The following SCHIP1 variants were observed in gnomAD, a reference collection of about 807,000 sequenced individuals.
SCHIP1 encodes the protein schwannomin-interacting protein 1.
A neutral mutation model predicts 29.7 loss-of-function variants in SCHIP1; 8 were observed. The observed-to-expected ratio is 0.27, with a 90% CI of 0.16 to 0.49. The LOEUF is 0.49. Ranked by LOEUF, SCHIP1 falls within the 20% of genes least tolerant of loss-of-function variation. The pLI, the probability that SCHIP1 is intolerant of heterozygous loss-of-function variation, is 0.99. For synonymous variants in SCHIP1, 76 were observed against 94.9 expected (o/e 0.80, Z 1.16); for missense variants, 193 against 294.6 (o/e 0.66, Z 2.52).
chr3:159,768,341 T>A, the SCHIP1 span: 7 of 152,176 alleles, frequency 4.6e-5, no homozygotes, highest in Non-Finnish European at 1.5e-5. Context: ...TTTGTATTGT[T>A]TTGTTTCAAT....
At chr3:159,720,729 C>T in the SCHIP1 span, among the ~76,000 whole-genome samples, 1,857 of 152,172 alleles carry the variant, frequency 0.012, 43 homozygotes, top group African/African-American at 0.042. Context: ...GGATTACAGG[C>T]ACCTGCCAGC....
chr3:159,542,356 A>T, the SCHIP1 span, among the ~76,000 whole-genome samples: 2 of 152,096 alleles, frequency 1.3e-5, no homozygotes, highest in African/African-American at 4.8e-5. Flanking sequence ...AAATCTGCAC[A>T]TGCTTGTTGA....
At chr3:159,858,104 G>GTGA (rs1478111068) in intron 1 of SCHIP1, among the ~76,000 whole-genome samples, 1 of 152,216 alleles carries the variant, frequency 6.6e-6, no homozygotes, top group Non-Finnish European at 1.5e-5. Context: ...GTTCCTGTCA[G>GTGA]TGATACTGAA....
At chr3:159,307,004 A>G in the SCHIP1 span, among the ~76,000 whole-genome samples, 1 of 152,184 alleles carries the variant, frequency 6.6e-6, no homozygotes, top group Admixed American at 6.5e-5. Context: ...GAAGGAAGAG[A>G]AAAAACAGAT....
chr3:159,393,767 T>C, the SCHIP1 span, among the ~76,000 whole-genome samples: 56 of 151,472 alleles, frequency 3.7e-4, no homozygotes, highest in African/African-American at 1.2e-3. Flanking sequence ...AGCTTTGTTC[T>C]TTTGGCTTAG....
the SCHIP1 span, among the ~76,000 whole-genome samples, chr3:159,356,227 G>GAAAAAA: frequency 6.6e-6 from 1 of 151,786 alleles, no homozygotes; most frequent in Non-Finnish European, 1.5e-5. Context: ...AAAGAAAAAA[G>GAAAAAA]AAAAATTCTT....
the SCHIP1 span, among the ~76,000 whole-genome samples, chr3:159,383,677 G>T: frequency 8.2e-6 from 1 of 121,230 alleles, no homozygotes; most frequent in Non-Finnish European, 1.9e-5. Flanking sequence ...GGATGGCATT[G>T]AATCTATAAA....
chr3:159,286,944 G>C, the SCHIP1 span, among the ~76,000 whole-genome samples: 1 of 152,072 alleles, frequency 6.6e-6, no homozygotes, highest in Non-Finnish European at 1.5e-5. Context: ...GTTTGTTTAA[G>C]TTCTTTATAG....
At chr3:159,502,260 T>G in the SCHIP1 span, among the ~76,000 whole-genome samples, 1 of 152,114 alleles carries the variant, frequency 6.6e-6, no homozygotes, top group Admixed American at 6.6e-5. Context: ...GATACAGGCT[T>G]TAGTTTGATC....
chr3:159,649,405 TA>T, the SCHIP1 span, among the ~76,000 whole-genome samples: 4 of 152,010 alleles, frequency 2.6e-5, no homozygotes, highest in Non-Finnish European at 4.4e-5. Flanking sequence ...GGGTTGAAAA[TA>T]AACACAAAAC....
At chr3:159,779,245 C>T in the SCHIP1 span, among the ~76,000 whole-genome samples, 1 of 152,110 alleles carries the variant, frequency 6.6e-6, no homozygotes, top group Non-Finnish European at 1.5e-5. Flanking sequence ...GTTTGGGACT[C>T]TTGCAGGAGT....
the SCHIP1 span, among the ~76,000 whole-genome samples, chr3:159,748,362 T>C: frequency 1.3e-5 from 2 of 152,262 alleles, no homozygotes; most frequent in South Asian, 2.1e-4. Flanking sequence ...ATAGTACTAA[T>C]GTAAAGTTTC....
the SCHIP1 span, among the ~76,000 whole-genome samples, chr3:159,437,390 C>G: frequency 6.6e-6 from 1 of 152,072 alleles, no homozygotes; most frequent in Non-Finnish European, 1.5e-5. Flanking sequence ...TTTCTTGACT[C>G]TCACAACCAA....
chr3:159,416,142 T>A, the SCHIP1 span, among the ~76,000 whole-genome samples: 2 of 152,176 alleles, frequency 1.3e-5, no homozygotes, highest in Non-Finnish European at 2.9e-5. Context: ...ATTTTTAATA[T>A]TTCCCCAAAT....
At chr3:159,786,294 A>G in the SCHIP1 span, among the ~76,000 whole-genome samples, 1 of 152,216 alleles carries the variant, frequency 6.6e-6, no homozygotes, top group African/African-American at 2.4e-5. Context: ...AAGTTTTAAT[A>G]GACATTTCCT....
chr3:159,337,496 A>T, the SCHIP1 span, among the ~76,000 whole-genome samples: 3 of 152,202 alleles, frequency 2.0e-5, no homozygotes, highest in African/African-American at 7.2e-5. Flanking sequence ...ACTTCAGCAA[A>T]GTCTCAGGAT....
the SCHIP1 span, chr3:159,765,297 G>A: frequency 1.2e-6 from 1 of 843,296 alleles, no homozygotes; most frequent in Admixed American, 3.4e-5. Flanking sequence ...TGCTCCCCTG[G>A]GGATAAGGTT....
At chr3:159,606,026 C>G in the SCHIP1 span, among the ~76,000 whole-genome samples, 1 of 152,194 alleles carries the variant, frequency 6.6e-6, no homozygotes, top group African/African-American at 2.4e-5. Flanking sequence ...AGCACTCGAA[C>G]TGTGACATCT....
chr3:159,408,051 C>A, the SCHIP1 span, among the ~76,000 whole-genome samples: 1 of 152,200 alleles, frequency 6.6e-6, no homozygotes, highest in African/African-American at 2.4e-5. Context: ...GTAATCCCAG[C>A]ACTTTGGGAA....
Sources: gnomAD v4.1 joint callset for allele counts (sites outside exome capture counted in the v4.1 genomes callset) on GRCh38, gnomAD v4.1.1 for gene constraint, MANE v1.5 for transcripts, NCBI Gene and HGNC (gene_info 2026-07-23, HGNC 2026-07-21) for gene names.